The following ZBTB7C variants were observed in gnomAD, a reference collection of about 807,000 sequenced individuals.
ZBTB7C encodes zinc finger and BTB domain-containing protein 7C.
A neutral mutation model predicts 25.7 loss-of-function variants in ZBTB7C; 8 were observed. The observed-to-expected ratio is 0.31, with a 90% CI of 0.18 to 0.56. The LOEUF is 0.56. Among genes scored for constraint, ZBTB7C ranks in the 20% least tolerant of loss-of-function variants. ZBTB7C has a pLI of 0.91. For synonymous variants in ZBTB7C, 394 were observed against 369.0 expected (o/e 1.07, Z -0.78); for missense variants, 824 against 855.2 (o/e 0.96, Z 0.46).
intron 3 of ZBTB7C, among the ~76,000 whole-genome samples, chr18:48,141,149 C>CG (rs949226008): frequency 2.0e-5 from 3 of 147,644 alleles, no homozygotes; most frequent in African/African-American, 7.5e-5. Context: ...CCGCACCACC[C>CG]CCCCCACTGT....
intron 2 of ZBTB7C, among the ~76,000 whole-genome samples, chr18:48,310,608 C>T (rs988031960): frequency 6.6e-6 from 1 of 152,054 alleles, no homozygotes; most frequent in African/African-American, 2.4e-5. Flanking sequence ...TTCAGAATGC[C>T]GAGGGAAGGG....
chr18:48,409,758 C>CCCCGGCCGA (rs1219583808), upstream of ZBTB7C, among the ~76,000 whole-genome samples: 101 of 152,046 alleles, frequency 6.6e-4, 2 homozygotes, highest in Non-Finnish European at 1.3e-3. Context: ...GGCCGGGCAC[C>CCCCGGCCGA]GCCACCAACC....
intron 3 of ZBTB7C, chr18:48,088,166 G>A (rs182978195): frequency 1.3e-5 from 2 of 152,300 alleles, no homozygotes; most frequent in Non-Finnish European, 2.9e-5. Context: ...TAAAGCTTTC[G>A]TCTGTGGCTT....
intron 2 of ZBTB7C, among the ~76,000 whole-genome samples, chr18:48,210,913 A>C (rs1191592016): frequency 6.6e-6 from 1 of 152,196 alleles, no homozygotes; most frequent in East Asian, 1.9e-4. Flanking sequence ...AGAAGAAAAC[A>C]AAGTATTCAG....
chr18:48,317,496 C>G (rs1335421873), intron 2 of ZBTB7C, among the ~76,000 whole-genome samples: 2 of 152,130 alleles, frequency 1.3e-5, no homozygotes, highest in Non-Finnish European at 2.9e-5. Context: ...AACAAAACGT[C>G]TCCCCAAATG....
chr18:48,173,748 A>G (rs1358929231), intron 3 of ZBTB7C, among the ~76,000 whole-genome samples: 1 of 152,202 alleles, frequency 6.6e-6, no homozygotes, highest in Admixed American at 6.5e-5. Flanking sequence ...GCCCTGCCCC[A>G]GAGACTCAAT....
intron 1 of ZBTB7C, among the ~76,000 whole-genome samples, chr18:48,354,364 C>T (rs1029814927): frequency 6.6e-6 from 1 of 152,150 alleles, no homozygotes; most frequent in African/African-American, 2.4e-5. Flanking sequence ...TCAATCTCAA[C>T]ATCAACACAA....
intron 2 of ZBTB7C, among the ~76,000 whole-genome samples, chr18:48,231,711 CATTA>C (rs1452965107): frequency 6.6e-6 from 1 of 152,202 alleles, no homozygotes; most frequent in Non-Finnish European, 1.5e-5. Flanking sequence ...GCCCCTTGCT[CATTA>C]TATTGCAGGC....
intron 3 of ZBTB7C, among the ~76,000 whole-genome samples, chr18:48,047,188 A>C (rs1399688537): frequency 2.0e-5 from 3 of 152,186 alleles, no homozygotes; most frequent in Non-Finnish European, 4.4e-5. Context: ...TGGTGACCCT[A>C]AGATTCCCAT....
intron 2 of ZBTB7C, among the ~76,000 whole-genome samples, chr18:48,264,594 C>T (rs2044258665): frequency 6.6e-6 from 1 of 152,142 alleles, no homozygotes; most frequent in African/African-American, 2.4e-5. Context: ...CTTTGGAAAC[C>T]TGGCTGCAGG....
At chr18:48,139,381 A>G (rs1207677281) in intron 3 of ZBTB7C, among the ~76,000 whole-genome samples, 1 of 151,984 alleles carries the variant, frequency 6.6e-6, no homozygotes, top group Non-Finnish European at 1.5e-5. Flanking sequence ...ACCCAGCTGG[A>G]GCGGGATGTG....
chr18:48,208,690 T>G (rs1287113068), intron 2 of ZBTB7C, among the ~76,000 whole-genome samples: 2 of 152,234 alleles, frequency 1.3e-5, no homozygotes, highest in Non-Finnish European at 2.9e-5. Flanking sequence ...CTCCTTGGCC[T>G]GGCTCGGAAG....
chr18:48,166,750 G>A (rs893292008), intron 3 of ZBTB7C, among the ~76,000 whole-genome samples: 3 of 152,322 alleles, frequency 2.0e-5, no homozygotes, highest in African/African-American at 7.2e-5. Flanking sequence ...AGCCAGGGGC[G>A]AGCCGTAGAT....
chr18:48,183,928 G>A (rs557851674), intron 3 of ZBTB7C, among the ~76,000 whole-genome samples: 2 of 152,216 alleles, frequency 1.3e-5, no homozygotes, highest in East Asian at 1.9e-4. Context: ...TCTTTACCCT[G>A]CTTCCCTCTC....
intron 3 of ZBTB7C, among the ~76,000 whole-genome samples, chr18:48,103,112 T>TTATC (rs61043835): frequency 0.19 from 24,969 of 130,530 alleles, 2,524 homozygotes; most frequent in Middle Eastern, 0.22. Context: ...ATATTTTATA[T>TTATC]TATCTATCTA....
At chr18:48,062,794 C>T (rs1431919182) in intron 3 of ZBTB7C, among the ~76,000 whole-genome samples, 1 of 152,170 alleles carries the variant, frequency 6.6e-6, no homozygotes, top group Non-Finnish European at 1.5e-5. Flanking sequence ...CTGGACAGGG[C>T]CTTTTATGGT....
chr18:48,330,408 C>T (rs767525941), intron 2 of ZBTB7C, among the ~76,000 whole-genome samples: 47 of 152,236 alleles, frequency 3.1e-4, no homozygotes, highest in Non-Finnish European at 4.0e-4. Context: ...CTCAGTGAGG[C>T]GAGTCAGTGC....
At chr18:48,333,757 G>A (rs1177397866) in intron 2 of ZBTB7C, among the ~76,000 whole-genome samples, 1 of 152,124 alleles carries the variant, frequency 6.6e-6, no homozygotes. Context: ...AGGGGGCGGG[G>A]GCTCTCCAGT....
intron 1 of ZBTB7C, among the ~76,000 whole-genome samples, chr18:48,361,244 T>C (rs1044107670): frequency 2.6e-4 from 40 of 152,194 alleles, no homozygotes; most frequent in African/African-American, 9.6e-4. Flanking sequence ...TTCATTTGTG[T>C]GGAAATCTTG....
Sources: allele counts gnomAD v4.1 joint callset (sites outside exome capture counted in the v4.1 genomes callset), GRCh38; gene constraint gnomAD v4.1.1; transcripts MANE v1.5; gene names NCBI Gene and HGNC (gene_info 2026-07-23, HGNC 2026-07-21).